KLF8: variants seen among roughly 807,000 people sequenced by gnomAD.
KLF8 encodes the protein KLF transcription factor 8, also known as Krueppel-like factor 8.
In KLF8, 10 loss-of-function variants were observed where a neutral mutation model predicts 18.2. That is an observed-to-expected ratio of 0.55 (90% confidence interval 0.34 to 0.93). The LOEUF (loss-of-function observed/expected upper bound fraction) is 0.93, where lower values mean the gene tolerates loss of function less well. Among genes scored for constraint, KLF8 ranks in the 40% least tolerant of loss-of-function variants. KLF8 has a pLI of 0.02. For missense variants in KLF8, 264 were observed against 277.9 expected (o/e 0.95, Z 0.36); for synonymous variants, 109 against 97.3 (o/e 1.12, Z -0.71).
At position 56,233,033 on chromosome X, in the gene KLF8, G is replaced by A. The variant is rs1602400199; in HGVS notation, c.-302G>A. On this transcript the variant is annotated 5_prime_UTR_variant, in exon 1 of 6. Coordinates refer to ENST00000468660, the MANE Select transcript of KLF8 (RefSeq NM_007250.5). Reference sequence around the variant, plus strand: ...CAGGGGGGAGGATTCTTTTTAGGAAGTCTACTCTGCCGGCCCCTGATTTTT... The same window carrying A: ...CAGGGGGGAGGATTCTTTTTAGGAAATCTACTCTGCCGGCCCCTGATTTTT... The A allele has an allele frequency of 2.9e-6, 1 of 347,392 alleles. No homozygotes were observed. Among genetic ancestry groups the A allele is most frequent in the South Asian group, 6.6e-5 (1 of 15,241 alleles). The allele number at this position is 347,392 out of a possible 1,213,427, so 28.6% of individuals were successfully genotyped here. A position where few individuals can be genotyped will look rare whatever the true frequency, so the allele number is the denominator to read the frequency against.
the KLF8 span, among the ~76,000 whole-genome samples, chrX:56,220,179 G>A: frequency 8.9e-6 from 1 of 112,215 alleles, no homozygotes. Context: ...AGCAATAATA[G>A]AATAACAGAA....
At chrX:56,023,928 A>G in the KLF8 span, among the ~76,000 whole-genome samples, 1 of 111,681 alleles carries the variant, frequency 9.0e-6, no homozygotes, top group Non-Finnish European at 1.9e-5. Flanking sequence ...GCTAGCACAA[A>G]CAGAACTCCA....
chrX:56,047,697 G>A, the KLF8 span, among the ~76,000 whole-genome samples: 1 of 111,172 alleles, frequency 9.0e-6, no homozygotes. Context: ...CCAAGTCTTT[G>A]CTATTGTGAA....
the KLF8 span, among the ~76,000 whole-genome samples, chrX:56,080,994 C>T: frequency 1.1e-4 from 12 of 111,125 alleles, no homozygotes; most frequent in African/African-American, 2.9e-4. Flanking sequence ...TGGTTTTCAG[C>T]TCCATCAGCT....
At chrX:56,167,078 C>CT in the KLF8 span, among the ~76,000 whole-genome samples, 1 of 111,847 alleles carries the variant, frequency 8.9e-6, no homozygotes, top group Non-Finnish European at 1.9e-5. Context: ...CAAGAAATAA[C>CT]GCTGCAGAAA....
the KLF8 span, among the ~76,000 whole-genome samples, chrX:56,186,078 G>A: frequency 1.8e-5 from 2 of 111,914 alleles, no homozygotes; most frequent in South Asian, 3.7e-4. Flanking sequence ...GACACAGACT[G>A]GCAAATTGGA....
At chrX:55,961,208 G>T in the KLF8 span, 3 of 280,790 alleles carry the variant, frequency 1.1e-5, no homozygotes, top group South Asian at 4.0e-5. Context: ...ACTGTCCAGC[G>T]TGGCCCTGCT....
At chrX:55,923,093 T>C in the KLF8 span, among the ~76,000 whole-genome samples, 1 of 111,240 alleles carries the variant, frequency 9.0e-6, no homozygotes, top group African/African-American at 3.3e-5. Flanking sequence ...CCATCAATGA[T>C]AGACTGGATA....
At chrX:56,115,716 CATA>C in the KLF8 span, among the ~76,000 whole-genome samples, 2 of 111,694 alleles carry the variant, frequency 1.8e-5, no homozygotes, top group Non-Finnish European at 3.8e-5. Context: ...CTGATATTCC[CATA>C]ATAATAATAT....
chrX:56,249,334 A>G (rs1334764328), intron 1 of KLF8, among the ~76,000 whole-genome samples: 1 of 112,083 alleles, frequency 8.9e-6, no homozygotes, highest in Non-Finnish European at 1.9e-5. Flanking sequence ...TTATTCAAAC[A>G]CTTTGAGTTG....
the KLF8 span, among the ~76,000 whole-genome samples, chrX:55,998,121 G>A: frequency 4.4e-5 from 5 of 112,638 alleles, no homozygotes; most frequent in African/African-American, 1.3e-4. Context: ...GCTTTACAAA[G>A]CAGTATTGCT....
At chrX:56,097,313 T>C in the KLF8 span, among the ~76,000 whole-genome samples, 2 of 108,381 alleles carry the variant, frequency 1.8e-5, no homozygotes, top group Admixed American at 2.0e-4. Context: ...CCTGGAAGTA[T>C]GTGAGAAAAT....
At chrX:56,142,073 C>T in the KLF8 span, among the ~76,000 whole-genome samples, 1 of 111,774 alleles carries the variant, frequency 8.9e-6, no homozygotes, top group South Asian at 3.7e-4. Flanking sequence ...TCTATCAGAA[C>T]TCATTCCATT....
chrX:55,992,352 G>T, the KLF8 span, among the ~76,000 whole-genome samples: 2 of 112,274 alleles, frequency 1.8e-5, no homozygotes, highest in African/African-American at 3.2e-5. Flanking sequence ...TTATAGAATA[G>T]GAATTCATTT....
the KLF8 span, among the ~76,000 whole-genome samples, chrX:55,932,787 G>A: frequency 2.7e-5 from 3 of 111,380 alleles, no homozygotes; most frequent in Non-Finnish European, 5.7e-5. Flanking sequence ...CTTTCTCTCT[G>A]GCTGCCCTTA....
chrX:55,965,573 T>C, the KLF8 span, among the ~76,000 whole-genome samples: 1 of 111,908 alleles, frequency 8.9e-6, no homozygotes, highest in Admixed American at 9.4e-5. Context: ...GGACTCTAAA[T>C]AGGAAGAGAG....
At chrX:56,026,866 T>A in the KLF8 span, among the ~76,000 whole-genome samples, 1 of 112,536 alleles carries the variant, frequency 8.9e-6, no homozygotes, top group Non-Finnish European at 1.9e-5. Flanking sequence ...CATTTGGGCA[T>A]CTCTGTGAAG....
the KLF8 span, among the ~76,000 whole-genome samples, chrX:56,071,238 T>A: frequency 9.0e-6 from 1 of 111,576 alleles, no homozygotes; most frequent in Admixed American, 9.5e-5. Context: ...AAAGGTAATC[T>A]ACCATTTGAA....
At chrX:55,961,775 G>A in the KLF8 span, 4 of 310,877 alleles carry the variant, frequency 1.3e-5, no homozygotes, top group South Asian at 7.4e-5. Context: ...TTCACAGGTC[G>A]TATGGAGGAC....
Sources: allele counts gnomAD v4.1 joint callset (sites outside exome capture counted in the v4.1 genomes callset), GRCh38; gene constraint gnomAD v4.1.1; transcripts MANE v1.5; gene names NCBI Gene and HGNC (gene_info 2026-07-23, HGNC 2026-07-21).